Variants in SGCZ observed in about 807,000 individuals in gnomAD.
SGCZ encodes the protein sarcoglycan zeta, also known as zeta-sarcoglycan.
In SGCZ, 40 loss-of-function variants were observed where a neutral mutation model predicts 41.3. The observed-to-expected ratio is 0.97, with a 90% CI of 0.75 to 1.26. The LOEUF (loss-of-function observed/expected upper bound fraction) is 1.26, where lower values mean the gene tolerates loss of function less well. SGCZ is among the 50% of genes most tolerant of loss of function. The probability of loss-of-function intolerance (pLI) is 0.00; values close to 1 mark genes in which losing one functional copy is unlikely to be tolerated. For missense variants in SGCZ, 552 were observed against 369.8 expected, an observed-to-expected ratio of 1.49 and a Z score of -4.04; for synonymous variants, 206 against 137.5, an observed-to-expected ratio of 1.50 and a Z score of -3.49.
intron 4 of SGCZ, among the ~76,000 whole-genome samples, chr8:14,220,479 G>T (rs751192538): frequency 2.0e-5 from 3 of 152,258 alleles, no homozygotes; most frequent in South Asian, 2.1e-4. Flanking sequence ...GATCTTGACC[G>T]TGATCTTAGG....
chr8:14,803,574 T>C, intron 1 of SGCZ, among the ~76,000 whole-genome samples: 1 of 150,694 alleles, frequency 6.6e-6, no homozygotes, highest in Non-Finnish European at 1.5e-5. Flanking sequence ...GCTCAGAGGG[T>C]CTGACGCCCA....
At chr8:14,858,090 C>G (rs1212821715) in intron 1 of SGCZ, among the ~76,000 whole-genome samples, 1 of 152,102 alleles carries the variant, frequency 6.6e-6, no homozygotes, top group Non-Finnish European at 1.5e-5. Flanking sequence ...ACCTTATTAA[C>G]TGATCTCCTT....
intron 1 of SGCZ, among the ~76,000 whole-genome samples, chr8:14,599,146 C>G (rs1374642358): frequency 6.6e-6 from 1 of 152,148 alleles, no homozygotes; most frequent in East Asian, 1.9e-4. Flanking sequence ...CAATTTCAGA[C>G]ATTCTTCCTT....
chr8:15,050,383 T>G (rs915438258), intron 1 of SGCZ, among the ~76,000 whole-genome samples: 4 of 152,196 alleles, frequency 2.6e-5, no homozygotes, highest in African/African-American at 7.2e-5. Context: ...ATGGCACTTA[T>G]GACCTTGGAA....
chr8:14,474,719 C>T (rs899177517), intron 2 of SGCZ, among the ~76,000 whole-genome samples: 9 of 152,140 alleles, frequency 5.9e-5, no homozygotes, highest in Non-Finnish European at 1.2e-4. Flanking sequence ...AACTAAAACA[C>T]TTAAATTTAC....
At chr8:14,865,312 T>A (rs1803891559) in intron 1 of SGCZ, among the ~76,000 whole-genome samples, 1 of 151,982 alleles carries the variant, frequency 6.6e-6, no homozygotes, top group African/African-American at 2.4e-5. Context: ...CCTTACTTCA[T>A]AATTGTCCTG....
At chr8:14,948,577 A>G (rs531389277) in intron 1 of SGCZ, among the ~76,000 whole-genome samples, 1 of 152,204 alleles carries the variant, frequency 6.6e-6, no homozygotes, top group East Asian at 1.9e-4. Flanking sequence ...ACTTCCTTAG[A>G]TGACATTTAT....
At chr8:14,092,738 G>A (rs1801726841) in intron 7 of SGCZ, among the ~76,000 whole-genome samples, 1 of 151,958 alleles carries the variant, frequency 6.6e-6, no homozygotes, top group Admixed American at 6.6e-5. Flanking sequence ...TGCCATGATG[G>A]TGAGGCCTCC....
intron 1 of SGCZ, among the ~76,000 whole-genome samples, chr8:14,956,306 G>T (rs139747847): frequency 2.6e-5 from 4 of 151,830 alleles, no homozygotes; most frequent in Admixed American, 6.6e-5. Flanking sequence ...CCAAACTGCT[G>T]GAATTACAAG....
chr8:14,311,794 G>C (rs1324785842), intron 3 of SGCZ, among the ~76,000 whole-genome samples: 3 of 129,864 alleles, frequency 2.3e-5, no homozygotes, highest in Admixed American at 7.5e-5. Flanking sequence ...ACTGAAATGT[G>C]TATTTTTTTC....
At chr8:14,567,434 A>T (rs1804406347) in intron 1 of SGCZ, among the ~76,000 whole-genome samples, 1 of 152,164 alleles carries the variant, frequency 6.6e-6, no homozygotes, top group African/African-American at 2.4e-5. Flanking sequence ...TCTAGTGGGG[A>T]CATGGAGAAC....
chr8:14,712,915 T>A (rs1037911784), intron 1 of SGCZ, among the ~76,000 whole-genome samples: 3 of 151,970 alleles, frequency 2.0e-5, no homozygotes. Context: ...TTTTAAACAA[T>A]AAACCAATTA....
chr8:14,093,804 A>G (rs560156648), intron 7 of SGCZ, among the ~76,000 whole-genome samples: 1 of 152,254 alleles, frequency 6.6e-6, no homozygotes, highest in South Asian at 2.1e-4. Context: ...AACTTTTCTA[A>G]ACACTCTATT....
chr8:14,796,080 G>C (rs1382136678), intron 1 of SGCZ, among the ~76,000 whole-genome samples: 1 of 152,132 alleles, frequency 6.6e-6, no homozygotes, highest in Non-Finnish European at 1.5e-5. Flanking sequence ...ATCACTGATG[G>C]GCATTTAGGT....
At chr8:14,645,036 A>G (rs1174237089) in intron 1 of SGCZ, among the ~76,000 whole-genome samples, 2 of 151,630 alleles carry the variant, frequency 1.3e-5, no homozygotes, top group Non-Finnish European at 2.9e-5. Flanking sequence ...CTGAGCCTTA[A>G]TAAATCAAAT....
intron 1 of SGCZ, among the ~76,000 whole-genome samples, chr8:14,598,339 A>G (rs1805480563): frequency 6.6e-6 from 1 of 151,774 alleles, no homozygotes; most frequent in South Asian, 2.1e-4. Context: ...CATTCTTTAT[A>G]TATTGTTTAC....
intron 1 of SGCZ, among the ~76,000 whole-genome samples, chr8:15,169,242 T>G (rs563299026): frequency 6.6e-6 from 1 of 152,248 alleles, no homozygotes; most frequent in South Asian, 2.1e-4. Context: ...GGCAGTTAGA[T>G]GTACTTCTTT....
chr8:15,145,942 C>A (rs980767523), intron 1 of SGCZ, among the ~76,000 whole-genome samples: 1 of 151,986 alleles, frequency 6.6e-6, no homozygotes, highest in African/African-American at 2.4e-5. Context: ...TGTATAAACT[C>A]CAAAAAGGCA....
chr8:14,240,097 T>C (rs1305775557), intron 3 of SGCZ, among the ~76,000 whole-genome samples: 1 of 151,350 alleles, frequency 6.6e-6, no homozygotes, highest in Non-Finnish European at 1.5e-5. Context: ...AAGGCTGAGG[T>C]GGGAGGATCA....
Sources: allele counts gnomAD v4.1 joint callset (sites outside exome capture counted in the v4.1 genomes callset), GRCh38; gene constraint gnomAD v4.1.1; transcripts MANE v1.5; gene names NCBI Gene and HGNC (gene_info 2026-07-23, HGNC 2026-07-21).